The following PCDHA3 variants were observed in gnomAD, a reference collection of about 807,000 sequenced individuals.
PCDHA3 encodes the protein protocadherin alpha 3, also known as protocadherin alpha-3.
Under a neutral mutation model 62.2 loss-of-function variants are expected in PCDHA3, and 41 were observed. That is an observed-to-expected ratio of 0.66 (90% CI 0.51 to 0.86). The LOEUF (loss-of-function observed/expected upper bound fraction) is 0.86, where lower values mean the gene tolerates loss of function less well. PCDHA3 is among the 40% of genes least tolerant of loss of function. PCDHA3 has a pLI of 0.00. For missense variants in PCDHA3, 1,304 were observed against 1,241.2 expected, an observed-to-expected ratio of 1.05 and a Z score of -0.76; for synonymous variants, 640 against 555.4, an observed-to-expected ratio of 1.15 and a Z score of -2.14.
chr5:140,960,331 A>G (rs1157705398), intron 1 of PCDHA3, among the ~76,000 whole-genome samples: 1 of 152,230 alleles, frequency 6.6e-6, no homozygotes, highest in African/African-American at 2.4e-5. Flanking sequence ...TGTGAGAAGT[A>G]CATGAGGTGA....
chr5:140,844,242 G>T (rs73280579), intron 1 of PCDHA3, among the ~76,000 whole-genome samples: 1 of 149,206 alleles, frequency 6.7e-6, no homozygotes. Flanking sequence ...CACTATTGCC[G>T]TTTTAAGCAG....
chr5:140,902,767 G>A (rs1038910114), intron 1 of PCDHA3, among the ~76,000 whole-genome samples: 2 of 145,672 alleles, frequency 1.4e-5, no homozygotes, highest in African/African-American at 5.0e-5. Flanking sequence ...TTATGTCTTT[G>A]CATTCTCATA....
At chr5:140,808,603 C>T (rs1554124649) in intron 1 of PCDHA3, 1 of 1,613,880 alleles carries the variant, frequency 6.2e-7, no homozygotes, top group Non-Finnish European at 8.5e-7. Context: ...CGCCGGGCTG[C>T]CACATCTTCA....
chr5:140,867,114 G>T (rs567577345), intron 1 of PCDHA3: 1 of 152,168 alleles, frequency 6.6e-6, no homozygotes, highest in Admixed American at 6.5e-5. Context: ...TTAACATATT[G>T]TTTTAATTCA....
rs1256154036 is a variant in PCDHA3, at chr5:140,801,615, CTG to C, written c.420_421del (p.Phe141TyrfsTer32). ...APVFPMAVKN[L>X]FISESRQPGS... ...AGTTTTTCCAATGGCTGTAAAGAAT[CTG>C]TTTATTTCCGAATCCCGACAGCCTG... On this transcript the variant is annotated frameshift_variant, in exon 1 of 4. Transcript: ENST00000522353. LOFTEE classifies it high-confidence loss of function. 1 of 1,613,990 alleles carries C rather than the reference CTG, an allele frequency of 6.2e-7. No homozygotes were observed. The highest frequency in any genetic ancestry group is 1.7e-5 in the Admixed American group (1 of 59,992).
At chr5:140,976,454 G>A (rs550788004) in intron 1 of PCDHA3, among the ~76,000 whole-genome samples, 18 of 152,214 alleles carry the variant, frequency 1.2e-4, no homozygotes, top group South Asian at 2.1e-4. Flanking sequence ...GGGAGGCTGG[G>A]GAAGAAGAAT....
chr5:140,836,002 C>A (rs1302809722), intron 1 of PCDHA3: 14 of 1,613,124 alleles, frequency 8.7e-6, no homozygotes, highest in South Asian at 4.4e-5. Flanking sequence ...GCGCGCGATG[C>A]GGGCGTGCCG....
intron 1 of PCDHA3, chr5:140,807,432 G>A (rs1554124011): frequency 1.3e-6 from 2 of 1,599,340 alleles, no homozygotes; most frequent in African/African-American, 1.4e-5. Context: ...CTGCAGAATG[G>A]CATTTTGTTT....
chr5:140,811,757 T>C (rs2126631461), intron 1 of PCDHA3: 7 of 152,396 alleles, frequency 4.6e-5, no homozygotes, highest in African/African-American at 4.8e-5. Flanking sequence ...CCAGTGATGA[T>C]GGGCATTTTT....
chr5:140,967,986 C>A, intron 1 of PCDHA3: 1 of 1,614,226 alleles, frequency 6.2e-7, no homozygotes, highest in Non-Finnish European at 8.5e-7. Flanking sequence ...CTGGAGGCCA[C>A]ACTGCCTTTC....
rs368758287 is a variant in PCDHA3 at position 140,883,621 on chromosome 5, C to A, written c.2394+80030C>A. On this transcript the variant is annotated intron_variant, in intron 1 of 3. Transcript: ENST00000522353. ...TGGGGGTGGCCGACGTGAACGACAACGCGCCGGCGTTCGCGCAGCCCGAGT... is the reference window on the plus strand; with the variant it reads ...TGGGGGTGGCCGACGTGAACGACAAAGCGCCGGCGTTCGCGCAGCCCGAGT... 5 of 1,613,850 alleles carry A rather than the reference C, an allele frequency of 3.1e-6. No individual in the cohort carries two copies. In the African/African-American group the frequency reaches 4.0e-5, roughly 13 times the overall value.
At chr5:140,882,325 G>A (rs2059066855) in intron 1 of PCDHA3, 1 of 1,614,182 alleles carries the variant, frequency 6.2e-7, no homozygotes, top group Non-Finnish European at 8.5e-7. Context: ...TCTGGCTTCT[G>A]ATCCTCGCAG....
At chr5:140,891,371 T>G (rs1483919316) in intron 1 of PCDHA3, among the ~76,000 whole-genome samples, 1 of 152,146 alleles carries the variant, frequency 6.6e-6, no homozygotes, top group African/African-American at 2.4e-5. Context: ...CAGTATACAT[T>G]GCACCATATT....
intron 1 of PCDHA3, chr5:140,848,665 C>A (rs1428126460): frequency 4.4e-6 from 7 of 1,592,108 alleles, no homozygotes; most frequent in Non-Finnish European, 5.2e-6. Flanking sequence ...CTGGAGCTGG[C>A]GGAGCTGGTG....
chr5:140,806,428 A>G (rs1040644619), intron 1 of PCDHA3, among the ~76,000 whole-genome samples: 1 of 152,352 alleles, frequency 6.6e-6, no homozygotes, highest in Middle Eastern at 3.4e-3. Flanking sequence ...ATTATTTGGA[A>G]TGCTTTTCCA....
Position 140,802,724 on chromosome 5 carries a change from G to C in PCDHA3, c.1527G>C (p.Ser509=), listed in dbSNP as rs1305715476. ...VGERALSSYV[S]VHAESGKVYA... Reference sequence around the variant, plus strand: ...AGCGCGCGCTGTCGAGCTACGTGTCGGTACACGCGGAGAGCGGCAAGGTGT... The same window carrying C: ...AGCGCGCGCTGTCGAGCTACGTGTCCGTACACGCGGAGAGCGGCAAGGTGT... The change falls in exon 1 of 4, where the codon TCG becomes TCC. Residue 509 remains serine, a synonymous_variant. Coordinates refer to ENST00000522353, the MANE Select transcript of PCDHA3 (RefSeq NM_018906.3). The C allele has an allele frequency of 3.7e-6, 6 of 1,612,466 alleles. No individual in the cohort carries two copies. Among genetic ancestry groups the C allele is most frequent in the African/African-American group, 1.3e-5 (1 of 74,914 alleles).
At chr5:141,009,150 G>T (rs1588228136) in intron 3 of PCDHA3, among the ~76,000 whole-genome samples, 1 of 152,300 alleles carries the variant, frequency 6.6e-6, no homozygotes, top group African/African-American at 2.4e-5. Context: ...CTGCCCTCTT[G>T]CTTGTCTGTA....
chr5:140,823,346 A>G, intron 1 of PCDHA3: 1 of 1,612,198 alleles, frequency 6.2e-7, no homozygotes, highest in African/African-American at 1.3e-5. Flanking sequence ...CCGCTGGACC[A>G]CGAGGAAGTG....
chr5:140,989,538 T>G (rs1254500205), intron 3 of PCDHA3, among the ~76,000 whole-genome samples: 3 of 152,180 alleles, frequency 2.0e-5, no homozygotes, highest in Non-Finnish European at 4.4e-5. Flanking sequence ...GAAGATAGTT[T>G]GTAATTCCTT....
Sources: gnomAD v4.1 joint callset for allele counts (sites outside exome capture counted in the v4.1 genomes callset) on GRCh38, gnomAD v4.1.1 for gene constraint, MANE v1.5 for transcripts, NCBI Gene and HGNC (gene_info 2026-07-23, HGNC 2026-07-21) for gene names.